DLGAP2: variants seen among roughly 807,000 people sequenced by gnomAD.
The protein encoded by DLGAP2 is disks large-associated protein 2.
A neutral mutation model predicts 100.3 loss-of-function variants in DLGAP2; 26 were observed. The ratio of observed to expected loss-of-function variants is 0.26; its 90% CI spans 0.19 to 0.36. The LOEUF (loss-of-function observed/expected upper bound fraction) is 0.36. Ranked by LOEUF, DLGAP2 falls within the 10% of genes least tolerant of loss-of-function variation. The probability of loss-of-function intolerance (pLI) is 1.00; values close to 1 mark genes in which losing one functional copy is unlikely to be tolerated. For synonymous variants in DLGAP2, 886 were observed against 630.1 expected (o/e 1.41, Z -6.08); for missense variants, 1,858 against 1,453.2 (o/e 1.28, Z -4.53).
chr8:1,335,840 G>T (rs1006847350), intron 3 of DLGAP2, among the ~76,000 whole-genome samples: 1 of 152,218 alleles, frequency 6.6e-6, no homozygotes, highest in Admixed American at 6.5e-5. Flanking sequence ...AGAAAATGTG[G>T]CTAAAAGGAA....
At chr8:1,585,450 C>G (rs542121011) in intron 6 of DLGAP2, among the ~76,000 whole-genome samples, 1 of 151,728 alleles carries the variant, frequency 6.6e-6, no homozygotes, top group African/African-American at 2.4e-5. Context: ...GGCAAAAGAC[C>G]GAAAAAGAAA....
At chr8:1,694,001 T>C (rs537912405) in intron 13 of DLGAP2, among the ~76,000 whole-genome samples, 1 of 152,326 alleles carries the variant, frequency 6.6e-6, no homozygotes, top group East Asian at 1.9e-4. Flanking sequence ...TTAGGAATGC[T>C]CATCCAAAGC....
intron 10 of DLGAP2, among the ~76,000 whole-genome samples, chr8:1,675,287 C>T (rs1235308927): frequency 6.6e-6 from 1 of 152,244 alleles, no homozygotes; most frequent in East Asian, 1.9e-4. Context: ...GAGATCCCGG[C>T]AAGAGCCCTA....
At chr8:1,454,956 G>GC (rs1395394389) in intron 3 of DLGAP2, among the ~76,000 whole-genome samples, 1 of 152,056 alleles carries the variant, frequency 6.6e-6, no homozygotes, top group Non-Finnish European at 1.5e-5. Context: ...CGCCCATCGG[G>GC]CCCCCAGTTT....
At chr8:1,464,500 C>T (rs370080907) in intron 3 of DLGAP2, among the ~76,000 whole-genome samples, 3 of 143,118 alleles carry the variant, frequency 2.1e-5, no homozygotes, top group East Asian at 4.2e-4. Context: ...AGCTCCCTTC[C>T]AGGACGGCAC....
intron 3 of DLGAP2, among the ~76,000 whole-genome samples, chr8:1,377,593 G>C (rs1480840153): frequency 6.6e-6 from 1 of 152,198 alleles, no homozygotes; most frequent in Non-Finnish European, 1.5e-5. Flanking sequence ...CATATCCCAG[G>C]AAAGGTGAAG....
intron 2 of DLGAP2, among the ~76,000 whole-genome samples, chr8:1,200,967 G>T (rs1362919096): frequency 1.3e-5 from 2 of 152,302 alleles, no homozygotes; most frequent in South Asian, 4.1e-4. Flanking sequence ...GGGGCGCTGC[G>T]CTCGGCCTTA....
At chr8:1,416,724 C>CAGGT (rs1239073071) in intron 3 of DLGAP2, among the ~76,000 whole-genome samples, 1 of 152,094 alleles carries the variant, frequency 6.6e-6, no homozygotes, top group Non-Finnish European at 1.5e-5. Flanking sequence ...AATCAAAAAC[C>CAGGT]AGGTAGTAAG....
chr8:896,826 G>A (rs535271881), intron 1 of DLGAP2, among the ~76,000 whole-genome samples: 29 of 152,300 alleles, frequency 1.9e-4, no homozygotes, highest in African/African-American at 6.5e-4. Context: ...TGTGGCTTTT[G>A]TTTTATCAGC....
chr8:1,310,669 G>A (rs1394401073), intron 3 of DLGAP2, among the ~76,000 whole-genome samples: 1 of 151,532 alleles, frequency 6.6e-6, no homozygotes, highest in African/African-American at 2.4e-5. Context: ...TTTGTTTTTT[G>A]TTTTTTGAGA....
intron 2 of DLGAP2, among the ~76,000 whole-genome samples, chr8:1,206,169 G>C (rs572558441): frequency 1.3e-5 from 2 of 152,222 alleles, no homozygotes; most frequent in Admixed American, 6.5e-5. Flanking sequence ...GGAAGGCGCT[G>C]TGAGAAGGGT....
At chr8:1,674,115 G>T (rs755543642) in intron 10 of DLGAP2, among the ~76,000 whole-genome samples, 7 of 152,152 alleles carry the variant, frequency 4.6e-5, no homozygotes, top group Non-Finnish European at 8.8e-5. Flanking sequence ...GTACAGTGGT[G>T]CAATCACAGC....
intron 3 of DLGAP2, among the ~76,000 whole-genome samples, chr8:1,288,634 A>AGT (rs1381403427): frequency 8.5e-6 from 1 of 117,806 alleles, no homozygotes; most frequent in African/African-American, 3.4e-5. Context: ...GTTTCATTTC[A>AGT]GTGTGTGTGT....
chr8:996,419 G>T (rs1483274002), intron 2 of DLGAP2, among the ~76,000 whole-genome samples: 1 of 151,892 alleles, frequency 6.6e-6, no homozygotes, highest in Non-Finnish European at 1.5e-5. Context: ...TGTGTGCTTT[G>T]AGCAAAGCAA....
chr8:1,492,196 T>C (rs1263761351), intron 3 of DLGAP2, among the ~76,000 whole-genome samples: 1 of 152,182 alleles, frequency 6.6e-6, no homozygotes, highest in Non-Finnish European at 1.5e-5. Flanking sequence ...TCTATGGTTT[T>C]CAAAGAAAAG....
intron 3 of DLGAP2, among the ~76,000 whole-genome samples, chr8:1,445,775 T>C (rs1309810125): frequency 2.0e-5 from 3 of 152,276 alleles, no homozygotes; most frequent in East Asian, 1.9e-4. Context: ...TTTTAATGAT[T>C]GCCATTCTAA....
At chr8:1,437,774 C>T (rs1219669783) in intron 3 of DLGAP2, among the ~76,000 whole-genome samples, 14 of 142,206 alleles carry the variant, frequency 9.8e-5, no homozygotes, top group Admixed American at 9.8e-4. Context: ...TCGAGACTAG[C>T]CTGACCAACA....
chr8:1,076,216 TGCC>T (rs1803603695), intron 2 of DLGAP2, among the ~76,000 whole-genome samples: 1 of 152,122 alleles, frequency 6.6e-6, no homozygotes, highest in African/African-American at 2.4e-5. Context: ...CTCACCCCTG[TGCC>T]ACCCGCCTTC....
intron 2 of DLGAP2, among the ~76,000 whole-genome samples, chr8:915,071 A>G (rs1191414284): frequency 2.0e-5 from 3 of 152,216 alleles, no homozygotes; most frequent in Non-Finnish European, 2.9e-5. Flanking sequence ...GAGAGGGTCT[A>G]CGCCAGGTCC....
Sources: allele counts gnomAD v4.1 joint callset (sites outside exome capture counted in the v4.1 genomes callset), GRCh38; gene constraint gnomAD v4.1.1; transcripts MANE v1.5; gene names NCBI Gene and HGNC (gene_info 2026-07-23, HGNC 2026-07-21).